NBPF4: variants seen among roughly 807,000 people sequenced by gnomAD.
NBPF4 encodes NBPF family member NBPF4.
A neutral mutation model predicts 21.1 loss-of-function variants in NBPF4; 11 were observed. That is an observed-to-expected ratio of 0.52 (90% CI 0.33 to 0.86). The LOEUF is 0.86. Ranked by LOEUF, NBPF4 falls within the 40% of genes least tolerant of loss-of-function variation. The probability of loss-of-function intolerance (pLI) is 0.03; values close to 1 mark genes in which losing one functional copy is unlikely to be tolerated. For missense variants in NBPF4, 88 were observed against 265.3 expected, an observed-to-expected ratio of 0.33 and a Z score of 4.64; for synonymous variants, 47 against 106.4, an observed-to-expected ratio of 0.44 and a Z score of 3.43.
rs1649582754 is a variant in NBPF4 at position 108,229,169 on chromosome 1, G to A, written c.1424-13C>T. The A allele has an allele frequency of 6.6e-7, 1 of 1,515,096 alleles. No homozygotes were observed. Among genetic ancestry groups the A allele is most frequent in the Non-Finnish European group, 9.0e-7 (1 of 1,114,748 alleles). 93.9% of individuals were successfully genotyped at this position (1,515,096 alleles called of 1,614,324 possible). On this transcript the variant is annotated splice_polypyrimidine_tract_variant and intron_variant, in intron 12 of 14. Transcript: ENST00000415641. ...GCCTCGGTGGGGGCTGAAAGGAGAA[G>A]GGGCTTCAGTAGGAACAATCTCAGT...
chr1:108,226,239 A>G (rs142640534), intron 14 of NBPF4, among the ~76,000 whole-genome samples: 4,026 of 151,244 alleles, frequency 0.027, 301 homozygotes, highest in African/African-American at 0.094. Context: ...GCTCAAAAGA[A>G]GACTCAAGAG....
the NBPF4 span, among the ~76,000 whole-genome samples, chr1:108,263,363 CA>C: frequency 8.5e-6 from 1 of 118,036 alleles, no homozygotes; most frequent in African/African-American, 3.5e-5. Flanking sequence ...CGAAAAGGAA[CA>C]AACAAAACCT....
chr1:108,246,383 C>T (rs1320456230), upstream of NBPF4, among the ~76,000 whole-genome samples: 385 of 120,248 alleles, frequency 3.2e-3, 5 homozygotes, highest in African/African-American at 0.011. Context: ...ATAATCTAAG[C>T]ACTGGTTTAG....
At chr1:108,257,353 C>T in the NBPF4 span, among the ~76,000 whole-genome samples, 1 of 149,038 alleles carries the variant, frequency 6.7e-6, no homozygotes, top group Non-Finnish European at 1.5e-5. Flanking sequence ...GTGTTACACA[C>T]ACTCCAATTA....
Position 108,229,171 on chromosome 1 carries a change from G to A in NBPF4, c.1424-15C>T. On this transcript the variant is annotated splice_polypyrimidine_tract_variant and intron_variant, in intron 12 of 14. Transcript: ENST00000415641. Reference sequence around the variant, plus strand: ...CTCGGTGGGGGCTGAAAGGAGAAGGGGCTTCAGTAGGAACAATCTCAGTTT... The same window carrying A: ...CTCGGTGGGGGCTGAAAGGAGAAGGAGCTTCAGTAGGAACAATCTCAGTTT... 6.7e-7 allele frequency: 1 copy of A among 1,502,340 alleles called. No individual in the cohort carries two copies. Among genetic ancestry groups the A allele is most frequent in the Non-Finnish European group, 9.1e-7 (1 of 1,103,318 alleles). 93.1% of individuals were successfully genotyped at this position (1,502,340 alleles called of 1,614,324 possible). A position where few individuals can be genotyped will look rare whatever the true frequency, so the allele number is the denominator to read the frequency against.
At chr1:108,268,323 TG>T in the NBPF4 span, among the ~76,000 whole-genome samples, 4 of 149,322 alleles carry the variant, frequency 2.7e-5, no homozygotes, top group African/African-American at 9.9e-5. Context: ...CATAATAAGT[TG>T]GGAGAAAATC....
At chr1:108,226,200 T>G (rs1315655769) in intron 14 of NBPF4, among the ~76,000 whole-genome samples, 1 of 149,964 alleles carries the variant, frequency 6.7e-6, no homozygotes. Flanking sequence ...GAGGAACAAG[T>G]GATGATTAAG....
At chr1:108,257,951 T>C in the NBPF4 span, among the ~76,000 whole-genome samples, 2 of 141,220 alleles carry the variant, frequency 1.4e-5, no homozygotes, top group African/African-American at 5.7e-5. Context: ...GGTTTCACCA[T>C]GTTGCCCAGG....
At chr1:108,256,549 C>T in the NBPF4 span, among the ~76,000 whole-genome samples, 1 of 91,650 alleles carries the variant, frequency 1.1e-5, no homozygotes, top group Non-Finnish European at 2.1e-5. Flanking sequence ...CTCCCCTCCC[C>T]TCCCCTGCCC....
At chr1:108,228,641 A>G (rs1292957905) in intron 13 of NBPF4, among the ~76,000 whole-genome samples, 5 of 151,664 alleles carry the variant, frequency 3.3e-5, no homozygotes, top group South Asian at 4.2e-4. Context: ...GCAGGTAGAT[A>G]TTATTCTTCA....
the NBPF4 span, among the ~76,000 whole-genome samples, chr1:108,257,768 T>C: frequency 6.9e-3 from 759 of 110,222 alleles, 7 homozygotes; most frequent in African/African-American, 0.019. Context: ...TTTTCTTTTT[T>C]TTTTTTTTTT....
At chr1:108,252,700 G>C in the NBPF4 span, among the ~76,000 whole-genome samples, 1 of 141,116 alleles carries the variant, frequency 7.1e-6, no homozygotes, top group Non-Finnish European at 1.5e-5. Flanking sequence ...TTTTTTTCTG[G>C]ATTTGTTGAG....
chr1:108,244,957 T>C (rs868273847), upstream of NBPF4, among the ~76,000 whole-genome samples: 59 of 79,412 alleles, frequency 7.4e-4, 1 homozygote, highest in Admixed American at 1.6e-3. Context: ...TACACACACA[T>C]ATAGAGTTGC....
intron 14 of NBPF4, 93 bp downstream of exon 14, chr1:108,226,586 C>A (rs1258865591): frequency 9.3e-7 from 1 of 1,076,960 alleles, no homozygotes; most frequent in Non-Finnish European, 1.3e-6. Context: ...TTGGAGAGAA[C>A]AAATGGGAGA....
the NBPF4 span, among the ~76,000 whole-genome samples, chr1:108,250,811 AG>A: frequency 1.6e-5 from 1 of 61,034 alleles, no homozygotes; most frequent in East Asian, 4.2e-4. Context: ...AATCAGGATT[AG>A]TAAATACAGG....
chr1:108,267,915 A>ATTTGTTTG, the NBPF4 span, among the ~76,000 whole-genome samples: 3 of 110,728 alleles, frequency 2.7e-5, no homozygotes, highest in African/African-American at 9.9e-5. Context: ...TATAGAGGTT[A>ATTTGTTTG]TTTGTTTGTT....
intron 14 of NBPF4, among the ~76,000 whole-genome samples, chr1:108,224,905 G>A (rs914556280): frequency 2.7e-4 from 40 of 150,168 alleles, no homozygotes; most frequent in Non-Finnish European, 4.3e-4. Flanking sequence ...ATTTGTTATT[G>A]TATGCTCTTC....
intron 14 of NBPF4, 110 bp from the exon 15 acceptor site, chr1:108,223,856 T>C: frequency 2.5e-6 from 3 of 1,178,700 alleles, no homozygotes; most frequent in East Asian, 2.6e-5. Context: ...GATCTCCTGC[T>C]GGGAGGATGA....
At chr1:108,244,909 T>A (rs1239738992), upstream of NBPF4, among the ~76,000 whole-genome samples, 6 of 30,808 alleles carry the variant, frequency 1.9e-4, 1 homozygote, top group Non-Finnish European at 3.6e-4. Context: ...GAGATATATA[T>A]ATATATATAT....
Sources: gnomAD v4.1 joint callset for allele counts (sites outside exome capture counted in the v4.1 genomes callset) on GRCh38, gnomAD v4.1.1 for gene constraint, MANE v1.5 for transcripts, NCBI Gene and HGNC (gene_info 2026-07-23, HGNC 2026-07-21) for gene names.